The following AZI2 variants were observed in gnomAD, a reference collection of about 807,000 sequenced individuals.
AZI2 encodes the protein 5-azacytidine-induced protein 2.
AZI2 carries 22 observed loss-of-function variants against 45.8 expected under a neutral mutation model. The ratio of observed to expected loss-of-function variants is 0.48; its 90% CI spans 0.34 to 0.69. The LOEUF is 0.69. AZI2 is among the 30% of genes least tolerant of loss of function. The probability of loss-of-function intolerance (pLI) is 0.01; values close to 1 mark genes in which losing one functional copy is unlikely to be tolerated. For synonymous variants in AZI2, 137 were observed against 156.7 expected, an observed-to-expected ratio of 0.87 and a Z score of 0.94; for missense variants, 417 against 441.5, an observed-to-expected ratio of 0.94 and a Z score of 0.50.
intron 1 of AZI2, among the ~76,000 whole-genome samples, chr3:28,347,176 G>A (rs1220241865): frequency 6.6e-6 from 1 of 152,042 alleles, no homozygotes; most frequent in Admixed American, 6.6e-5. Context: ...CTGAATATAA[G>A]TGCCATAAAA....
chr3:28,345,804 T>C (rs953098773), intron 1 of AZI2, among the ~76,000 whole-genome samples: 7 of 152,138 alleles, frequency 4.6e-5, no homozygotes, highest in Admixed American at 2.0e-4. Flanking sequence ...TTTGGGATAC[T>C]AGAAAACATA....
In AZI2 at chr3:28,343,254, A is replaced by G. The variant is rs78875936; in HGVS notation, c.-5-2632T>C. 5.5e-3 allele frequency among the ~76,000 whole-genome samples: 843 copies of G among 152,118 alleles called. 67 individuals are homozygous for G. The East Asian group carries it at 0.15, about 27-fold the overall frequency. ...AAGAGCAAATGTCTCTTAAGACTGT[A>G]CTCTCATGTGAAGAGGATGGTTATT... is the stretch of plus-strand genomic sequence containing the variant. On this transcript the variant is annotated intron_variant, in intron 1 of 7. Transcript: ENST00000479665.
intron 5 of AZI2, among the ~76,000 whole-genome samples, chr3:28,335,391 G>T (rs1434784129): frequency 6.6e-6 from 1 of 151,900 alleles, no homozygotes; most frequent in East Asian, 1.9e-4. Flanking sequence ...GCTTCTCAGT[G>T]GTGATGGTAA....
At position 28,324,455 on chromosome 3, in the gene AZI2, C is replaced by G. The variant is rs1703305789; in HGVS notation, c.767-1G>C. 6.9e-7 allele frequency: 1 copy of G among 1,456,286 alleles called. No individual in the cohort carries two copies. The highest frequency in any genetic ancestry group is 1.7e-5 in the South Asian group (1 of 60,466). The allele number at this position is 1,456,286 out of a possible 1,614,324, so 90.2% of individuals were successfully genotyped here. Reference sequence around the variant, plus strand: ...TCACTGCATCCTACAGGGGCACAGGCTAAAAAGAAAACACAGACTAAATGT... The same window carrying G: ...TCACTGCATCCTACAGGGGCACAGGGTAAAAAGAAAACACAGACTAAATGT... On this transcript the variant is annotated splice_acceptor_variant, in intron 7 of 7. Coordinates refer to ENST00000479665, the MANE Select transcript of AZI2 (RefSeq NM_022461.5). LOFTEE classifies it high-confidence loss of function.
At position 28,324,388 on chromosome 3, in the gene AZI2, A is replaced by C. The variant is rs754717597; in HGVS notation, c.833T>G (p.Phe278Cys). The C allele has an allele frequency of 9.3e-5, 145 of 1,559,936 alleles. No individual in the cohort carries two copies. Among genetic ancestry groups the C allele is most frequent in the Non-Finnish European group, 1.2e-4 (141 of 1,152,710 alleles). Residue 278 changes from phenylalanine (F) to cysteine (C), a missense_variant, in exon 8 of 8, where the codon TTT becomes TGT. Coordinates refer to ENST00000479665, the MANE Select transcript of AZI2 (RefSeq NM_022461.5). ...RDSTKLHLMNFTATYTRHPPL... is the reference protein window; with the variant it reads ...RDSTKLHLMNCTATYTRHPPL... ...GGGATGTCTTGTGTATGTTGCAGTA[A>C]AATTCATCAAGTGCAGTTTTGTGCT...
chr3:28,332,468 T>G (rs1444553225), intron 5 of AZI2, 41 bp from the exon 6 acceptor site: 4 of 1,536,276 alleles, frequency 2.6e-6, no homozygotes, highest in Non-Finnish European at 3.6e-6. Flanking sequence ...AAGTTGTAAT[T>G]TTTACAATTT....
At chr3:28,347,337 T>C (rs1256479535) in intron 1 of AZI2, among the ~76,000 whole-genome samples, 1 of 152,206 alleles carries the variant, frequency 6.6e-6, no homozygotes, top group Non-Finnish European at 1.5e-5. Context: ...GGAGAAACTA[T>C]CTCATTTGTT....
intron 2 of AZI2, 127 bp downstream of exon 2, chr3:28,340,275 T>G: frequency 1.5e-6 from 1 of 650,188 alleles, no homozygotes; most frequent in Non-Finnish European, 2.6e-6. Context: ...GTTTTCAGAT[T>G]AGCAGTGAGT....
At chr3:28,325,591 C>T (rs948333484) in intron 7 of AZI2, among the ~76,000 whole-genome samples, 37 of 150,940 alleles carry the variant, frequency 2.5e-4, no homozygotes, top group African/African-American at 8.2e-4. Context: ...TTCCAAAGCA[C>T]CGAAAAATAT....
Position 28,334,142 on chromosome 3 carries a change from AAAAC to A in AZI2, c.589-1719_589-1716del, listed in dbSNP as rs533355330. On this transcript the variant is annotated intron_variant, in intron 5 of 7. Transcript: ENST00000479665. The stretch of plus-strand genomic sequence containing the variant: ...CTGAGTTCCCTCACTAAATATTTAA[AAAAC>A]AAACAAACAAACTAAAACAACACTA... 1.0e-3 allele frequency among the ~76,000 whole-genome samples: 159 copies of A among 151,938 alleles called. 1 individual carries two copies. Among genetic ancestry groups the A allele is most frequent in the African/African-American group, 3.1e-3 (128 of 41,498 alleles).
At chr3:28,332,228 G>A (rs1009419057) in intron 6 of AZI2, 141 bp downstream of exon 6, 1 of 675,404 alleles carries the variant, frequency 1.5e-6, no homozygotes, top group Non-Finnish European at 2.5e-6. Flanking sequence ...CAAATTTATT[G>A]TGATCAGAGG....
At chr3:28,325,589 C>T (rs1218266105) in intron 7 of AZI2, among the ~76,000 whole-genome samples, 1 of 151,004 alleles carries the variant, frequency 6.6e-6, no homozygotes, top group Non-Finnish European at 1.5e-5. Flanking sequence ...TGTTCCAAAG[C>T]ACCGAAAAAT....
chr3:28,338,164 G>T, intron 3 of AZI2, 128 bp from the exon 4 acceptor site: 1 of 504,640 alleles, frequency 2.0e-6, no homozygotes, highest in Non-Finnish European at 3.2e-6. Flanking sequence ...AATGAACTCA[G>T]TTTCTCAGAA....
chr3:28,333,200 A>G (rs1703653740), intron 5 of AZI2, among the ~76,000 whole-genome samples: 1 of 151,854 alleles, frequency 6.6e-6, no homozygotes, highest in African/African-American at 2.4e-5. Context: ...TCTAAATTAT[A>G]TAATTTGCAG....
At chr3:28,331,612 A>T in intron 6 of AZI2, 2 of 1,115,870 alleles carry the variant, frequency 1.8e-6, no homozygotes, top group Non-Finnish European at 2.2e-6. Context: ...CAGGTTTTTG[A>T]TAGAAATTGG....
intron 1 of AZI2, among the ~76,000 whole-genome samples, chr3:28,346,909 CA>C (rs1372710533): frequency 6.6e-6 from 1 of 152,056 alleles, no homozygotes; most frequent in East Asian, 1.9e-4. Context: ...ATTAGATATA[CA>C]ATATGAAGAA....
rs772346664 is a variant in AZI2, at chr3:28,340,633, G to GA, written c.-5-12dup. 3.6e-5 allele frequency: 55 copies of GA among 1,544,712 alleles called. No homozygotes were observed. The Middle Eastern group carries it at 5.3e-4, about 15-fold the overall frequency. ...GTGCATCCATGACAACTGTTTAAAA[G>GA]AAAAAAAATATGAGTGACAAATGTC... On this transcript the variant is annotated splice_polypyrimidine_tract_variant and intron_variant, in intron 1 of 7. Transcript: ENST00000479665.
chr3:28,342,220 T>C (rs1403730920), intron 1 of AZI2, among the ~76,000 whole-genome samples: 1 of 152,062 alleles, frequency 6.6e-6, no homozygotes, highest in Non-Finnish European at 1.5e-5. Flanking sequence ...TCTAAGCAAT[T>C]TGTATCTAGA....
rs1187931376 is a variant in AZI2 at position 28,322,427 on chromosome 3, T to TATC, written c.*1612_*1614dup. 1 of 151,696 alleles carries TATC rather than the reference T, an allele frequency of 6.6e-6. No individual in the cohort carries two copies. The highest frequency in any genetic ancestry group is 1.5e-5 in the Non-Finnish European group (1 of 67,442). The allele number at this position is 151,696 out of a possible 1,614,324, so 9.4% of individuals were successfully genotyped here. A position where few individuals can be genotyped will look rare whatever the true frequency, so the allele number is the denominator to read the frequency against. ...TTGTTCAAAACATTAATCAAGCAAT[T>TATC]ATCTCATAAGACTTTTTTTCTTTAC... On this transcript the variant is annotated 3_prime_UTR_variant, in exon 8 of 8. Transcript: ENST00000479665.
Sources: gnomAD v4.1 joint callset for allele counts (sites outside exome capture counted in the v4.1 genomes callset) on GRCh38, gnomAD v4.1.1 for gene constraint, MANE v1.5 for transcripts, NCBI Gene and HGNC (gene_info 2026-07-23, HGNC 2026-07-21) for gene names.